TRAPPC13: variants seen among roughly 807,000 people sequenced by gnomAD.
TRAPPC13 encodes REV7-interacting novel NHEJ regulator 1.
TRAPPC13 carries 39 observed loss-of-function variants against 54.0 expected under a neutral mutation model. The observed-to-expected ratio is 0.72, with a 90% CI of 0.56 to 0.94. The LOEUF (loss-of-function observed/expected upper bound fraction) is 0.94. TRAPPC13 is among the 40% of genes least tolerant of loss of function. The pLI, the probability that TRAPPC13 is intolerant of heterozygous loss-of-function variation, is 0.00. For synonymous variants in TRAPPC13, 148 were observed against 167.7 expected, an observed-to-expected ratio of 0.88 and a Z score of 0.91; for missense variants, 386 against 488.1, an observed-to-expected ratio of 0.79 and a Z score of 1.97.
chr5:65,638,871 T>TTG (rs942763606), intron 4 of TRAPPC13, among the ~76,000 whole-genome samples: 2 of 151,830 alleles, frequency 1.3e-5, no homozygotes, highest in Non-Finnish European at 2.9e-5. Flanking sequence ...ATCACTTGAG[T>TTG]TCAGGAGTTC....
chr5:65,660,263 GTTGCACTTTTCAGTTAATTGA>G (rs891203910), intron 9 of TRAPPC13, among the ~76,000 whole-genome samples: 4 of 151,830 alleles, frequency 2.6e-5, no homozygotes, highest in African/African-American at 9.7e-5. Context: ...TCTGGTTTCT[GTTGCACTTTTCAGTTAATTGA>G]TACATGTTCA....
At chr5:65,653,261 C>A (rs1756537952) in intron 7 of TRAPPC13, among the ~76,000 whole-genome samples, 1 of 152,010 alleles carries the variant, frequency 6.6e-6, no homozygotes, top group Non-Finnish European at 1.5e-5. Context: ...TCTTATGCCC[C>A]AAAATCTTGT....
At chr5:65,632,120 A>G (rs1261424124) in intron 1 of TRAPPC13, among the ~76,000 whole-genome samples, 1 of 152,062 alleles carries the variant, frequency 6.6e-6, no homozygotes, top group Non-Finnish European at 1.5e-5. Context: ...GTGGCATGCG[A>G]CAGTAGTCGC....
chr5:65,630,356 G>C, intron 1 of TRAPPC13: 1 of 1,469,738 alleles, frequency 6.8e-7, no homozygotes, highest in Non-Finnish European at 9.0e-7. Context: ...TCCACTGATT[G>C]TCAAAAAGAA....
chr5:65,658,659 T>G (rs1299561851), intron 9 of TRAPPC13, among the ~76,000 whole-genome samples, 158 bp downstream of exon 9: 1 of 151,864 alleles, frequency 6.6e-6, no homozygotes, highest in African/African-American at 2.4e-5. Context: ...CCACATACCC[T>G]CTTCCACTCC....
intron 7 of TRAPPC13, among the ~76,000 whole-genome samples, chr5:65,653,336 C>T (rs1320011586): frequency 6.6e-6 from 1 of 152,078 alleles, no homozygotes; most frequent in Non-Finnish European, 1.5e-5. Flanking sequence ...GATTATATCT[C>T]TGCTACTCTA....
At chr5:65,648,834 A>T (rs2150681055) in intron 5 of TRAPPC13, among the ~76,000 whole-genome samples, 1 of 152,298 alleles carries the variant, frequency 6.6e-6, no homozygotes, top group Non-Finnish European at 1.5e-5. Flanking sequence ...ATAATATTTT[A>T]CAAAATTTTG....
At chr5:65,646,618 GA>G (rs1420018396) in intron 4 of TRAPPC13, among the ~76,000 whole-genome samples, 1 of 151,900 alleles carries the variant, frequency 6.6e-6, no homozygotes, top group Admixed American at 6.6e-5. Flanking sequence ...ATAAAATGGT[GA>G]AAAAACACGT....
chr5:65,628,939 T>G (rs573475669), intron 1 of TRAPPC13, among the ~76,000 whole-genome samples: 1 of 152,066 alleles, frequency 6.6e-6, no homozygotes, highest in South Asian at 2.1e-4. Context: ...TGCCTCAGCT[T>G]CCCTAGTAGC....
At chr5:65,633,864 T>A (rs1755639018) in intron 1 of TRAPPC13, among the ~76,000 whole-genome samples, 1 of 151,906 alleles carries the variant, frequency 6.6e-6, no homozygotes, top group Non-Finnish European at 1.5e-5. Flanking sequence ...TAGCTAACCA[T>A]GTCTTTGCAC....
chr5:65,647,181 A>G lies in TRAPPC13; in HGVS notation c.427A>G (p.Ile143Val). Reference protein sequence around the residue: ...HHEVKEIGTHILVCAVSYTTQ... With the variant: ...HHEVKEIGTHVLVCAVSYTTQ... ...TGAAGTCAAAGAAATTGGAACACAC[A>G]TGTAAGGATTAATTTTATTAGTTCT... Residue 143 changes from isoleucine (I) to valine (V), a missense_variant and splice_region_variant, in exon 5 of 13, where the codon ATC becomes GTC. Ile to Val is a conservative substitution (Grantham distance 29). Coordinates refer to ENST00000399438, the MANE Select transcript of TRAPPC13 (RefSeq NM_024941.4). 6.3e-7 allele frequency: 1 copy of G among 1,575,938 alleles called. No homozygotes were observed. Among genetic ancestry groups the G allele is most frequent in the Non-Finnish European group, 8.6e-7 (1 of 1,162,108 alleles).
intron 1 of TRAPPC13, among the ~76,000 whole-genome samples, chr5:65,633,681 G>A (rs1247677032): frequency 6.6e-6 from 1 of 151,626 alleles, no homozygotes; most frequent in Non-Finnish European, 1.5e-5. Flanking sequence ...ATTTTGATGT[G>A]GTCAAACGAC....
intron 5 of TRAPPC13, among the ~76,000 whole-genome samples, chr5:65,649,995 T>C (rs1337461288): frequency 2.0e-5 from 3 of 151,490 alleles, no homozygotes; most frequent in Non-Finnish European, 4.4e-5. Context: ...TAGCTGGGAC[T>C]ACAGGTGCCC....
intron 10 of TRAPPC13, 161 bp downstream of exon 10, chr5:65,661,058 CG>C: frequency 1.9e-6 from 1 of 535,426 alleles, no homozygotes; most frequent in Non-Finnish European, 3.3e-6. Context: ...ATAGGTAGGT[CG>C]AAGACTGGTG....
rs541988455 is a variant in TRAPPC13 at position 65,665,797 on chromosome 5, A to G, written c.*1186A>G. ...ACTTTGCAGCATTAATGTAACAAAA[A>G]GTTTCAGTATTTGTCAGGAAAACAA... On this transcript the variant is annotated 3_prime_UTR_variant, in exon 13 of 13. Transcript: ENST00000399438. The G allele has an allele frequency of 6.5e-6, 1 of 152,714 alleles. No individual in the cohort carries two copies. Among genetic ancestry groups the G allele is most frequent in the Non-Finnish European group, 1.5e-5 (1 of 68,006 alleles). 9.5% of individuals were successfully genotyped at this position (152,714 alleles called of 1,614,324 possible). A position where few individuals can be genotyped will look rare whatever the true frequency, so the allele number is the denominator to read the frequency against.
In TRAPPC13 at chr5:65,651,842, G is replaced by GTTTTTTTTTTTTTTTT. The variant is rs762929434; in HGVS notation, c.502-636_502-621dup. On this transcript the variant is annotated intron_variant, in intron 6 of 12. Transcript: ENST00000399438. ...TTGAAAGAAAATAAAACGTGATTCAGTTTTTTTTTTTTTTTTTTTTTTTTT... is the reference window on the plus strand; with the variant it reads ...TTGAAAGAAAATAAAACGTGATTCAGTTTTTTTTTTTTTTTTTTTTTTTTTTTTTTTTTTTTTTTTT... 2.7e-4 allele frequency among the ~76,000 whole-genome samples: 11 copies of GTTTTTTTTTTTTTTTT among 41,162 alleles called. 2 individuals are homozygous for GTTTTTTTTTTTTTTTT. Among genetic ancestry groups the GTTTTTTTTTTTTTTTT allele is most frequent in the African/African-American group, 7.4e-4 (8 of 10,806 alleles). The allele number at this position is 41,162 out of a possible 152,430, so 27.0% of individuals were successfully genotyped here. A position where few individuals can be genotyped will look rare whatever the true frequency, so the allele number is the denominator to read the frequency against.
intron 7 of TRAPPC13, among the ~76,000 whole-genome samples, chr5:65,655,324 T>C (rs2150687870): frequency 6.6e-6 from 1 of 152,306 alleles, no homozygotes. Flanking sequence ...TGGTAAAGAA[T>C]TATAGAACTA....
chr5:65,646,415 T>C lies in TRAPPC13; in HGVS notation c.301-640T>C, dbSNP rs1444895826. ...TGTTATATACTAGCACATACATACA[T>C]ATCTATTTGTTTCAGTGAAGTCCAT... On this transcript the variant is annotated intron_variant, in intron 4 of 12. Transcript: ENST00000399438. 2.6e-5 allele frequency among the ~76,000 whole-genome samples: 4 copies of C among 152,204 alleles called. No individual in the cohort carries two copies. The East Asian group carries it at 7.7e-4, about 29-fold the overall frequency.
At chr5:65,661,965 G>T in intron 10 of TRAPPC13, 85 bp from the exon 11 acceptor site, 1 of 859,966 alleles carries the variant, frequency 1.2e-6, no homozygotes, top group Non-Finnish European at 1.7e-6. Context: ...AACAGCTGTT[G>T]AGTAAATGTG....
Sources: allele counts gnomAD v4.1 joint callset (sites outside exome capture counted in the v4.1 genomes callset), GRCh38; gene constraint gnomAD v4.1.1; transcripts MANE v1.5; gene names NCBI Gene and HGNC (gene_info 2026-07-23, HGNC 2026-07-21).